The following ZNF618 variants were observed in gnomAD, a reference collection of about 807,000 sequenced individuals.
ZNF618 encodes neural precursor cell expressed, developmentally down-regulated 10.
ZNF618 carries 34 observed loss-of-function variants against 103.0 expected under a neutral mutation model. The observed-to-expected ratio is 0.33, with a 90% CI of 0.25 to 0.44. The LOEUF (loss-of-function observed/expected upper bound fraction) is 0.44. ZNF618 is among the 20% of genes least tolerant of loss of function. The probability of loss-of-function intolerance (pLI) is 1.00; values close to 1 mark genes in which losing one functional copy is unlikely to be tolerated. For synonymous variants in ZNF618, 551 were observed against 542.2 expected (o/e 1.02, Z -0.23); for missense variants, 1,059 against 1,295.4 (o/e 0.82, Z 2.80).
chr9:113,956,082 G>T (rs771530476), intron 1 of ZNF618, among the ~76,000 whole-genome samples: 3 of 151,874 alleles, frequency 2.0e-5, no homozygotes, highest in Non-Finnish European at 4.4e-5. Flanking sequence ...GGTGGCTCAC[G>T]CCTGTAATCC....
chr9:113,917,966 A>G (rs1010012414), intron 1 of ZNF618, among the ~76,000 whole-genome samples: 3 of 152,130 alleles, frequency 2.0e-5, no homozygotes, highest in African/African-American at 7.2e-5. Context: ...CATTTCACCA[A>G]TGGCCCCATT....
chr9:113,917,235 C>CTTTTTT (rs56300784), intron 1 of ZNF618, among the ~76,000 whole-genome samples: 27 of 74,258 alleles, frequency 3.6e-4, no homozygotes, highest in Non-Finnish European at 4.7e-4. Context: ...TCTCTCTATC[C>CTTTTTT]TTTTTTTTTT....
At chr9:113,944,578 A>G (rs1230329670) in intron 1 of ZNF618, among the ~76,000 whole-genome samples, 2 of 152,198 alleles carry the variant, frequency 1.3e-5, no homozygotes, top group Non-Finnish European at 2.9e-5. Context: ...GTGCCTGGCC[A>G]TACTTAAAAT....
At position 114,050,335 on chromosome 9, in the gene ZNF618, T is replaced by G; in HGVS notation, c.*168T>G. On this transcript the variant is annotated 3_prime_UTR_variant, in exon 15 of 15. Coordinates refer to ENST00000374126, the MANE Select transcript of ZNF618 (RefSeq NM_001318042.2). ...TTTTATATGTGTGTGTGTGCGTGTATGTACACAGCCACACGTGTGTGCACG... is the reference window on the plus strand; with the variant it reads ...TTTTATATGTGTGTGTGTGCGTGTAGGTACACAGCCACACGTGTGTGCACG... 1 of 747,344 alleles carries G rather than the reference T, an allele frequency of 1.3e-6. No individual in the cohort carries two copies. The allele number at this position is 747,344 out of a possible 1,614,324, so 46.3% of individuals were successfully genotyped here. A position where few individuals can be genotyped will look rare whatever the true frequency, so the allele number is the denominator to read the frequency against.
At chr9:113,976,059 T>A (rs1838439198) in intron 2 of ZNF618, among the ~76,000 whole-genome samples, 1 of 152,216 alleles carries the variant, frequency 6.6e-6, no homozygotes, top group African/African-American at 2.4e-5. Flanking sequence ...CCATTCAACC[T>A]AGGCTCTGTA....
intron 2 of ZNF618, among the ~76,000 whole-genome samples, chr9:113,986,068 CT>C (rs1387803902): frequency 6.6e-6 from 1 of 152,186 alleles, no homozygotes; most frequent in Non-Finnish European, 1.5e-5. Context: ...GGAGGCGCCC[CT>C]GGGTGCCAAA....
intron 1 of ZNF618, among the ~76,000 whole-genome samples, chr9:113,948,824 C>T (rs992584970): frequency 1.3e-5 from 2 of 152,192 alleles, no homozygotes; most frequent in African/African-American, 4.8e-5. Context: ...CAGTGCCCCC[C>T]ACCCCACAGA....
intron 1 of ZNF618, among the ~76,000 whole-genome samples, chr9:113,896,303 G>T (rs1398784198): frequency 6.6e-6 from 1 of 151,984 alleles, no homozygotes; most frequent in East Asian, 1.9e-4. Context: ...GTTAATCAAT[G>T]AATTTTCCTC....
chr9:113,903,918 G>C (rs1830760518), intron 1 of ZNF618, among the ~76,000 whole-genome samples: 1 of 150,918 alleles, frequency 6.6e-6, no homozygotes, highest in African/African-American at 2.4e-5. Flanking sequence ...TTCTGCTTGG[G>C]ATTTATTGAG....
intron 1 of ZNF618, among the ~76,000 whole-genome samples, chr9:113,901,690 C>T (rs1301154222): frequency 6.6e-6 from 1 of 152,172 alleles, no homozygotes; most frequent in Non-Finnish European, 1.5e-5. Context: ...ATAAACGCCA[C>T]TGCTTCGTGG....
chr9:113,890,220 A>G (rs1320900767), intron 1 of ZNF618, among the ~76,000 whole-genome samples: 1 of 152,238 alleles, frequency 6.6e-6, no homozygotes. Flanking sequence ...GTTCATTACA[A>G]AAACATTCAA....
At chr9:113,930,368 A>G (rs1833463866) in intron 1 of ZNF618, among the ~76,000 whole-genome samples, 1 of 152,200 alleles carries the variant, frequency 6.6e-6, no homozygotes, top group Non-Finnish European at 1.5e-5. Context: ...TCCCAGTTCT[A>G]CTACTTGAAT....
chr9:113,900,607 G>C lies in ZNF618; in HGVS notation c.33+24194G>C, dbSNP rs1311770563. Among the ~76,000 whole-genome samples, 847 of 99,520 alleles carry C rather than the reference G, an allele frequency of 8.5e-3. No homozygotes were observed. In the Middle Eastern group the frequency reaches 0.1, roughly 12 times the overall value. The allele number at this position is 99,520 out of a possible 152,430, so 65.3% of individuals were successfully genotyped here. ...GCACCGTCCTCTCCCGCGAACCCGA[G>C]CTCCCGTCTCCTAGCACCGTCCTCT... On this transcript the variant is annotated intron_variant, in intron 1 of 14. Coordinates refer to ENST00000374126, the MANE Select transcript of ZNF618 (RefSeq NM_001318042.2).
intron 2 of ZNF618, among the ~76,000 whole-genome samples, chr9:113,981,525 G>A (rs1033730813): frequency 1.3e-5 from 2 of 152,196 alleles, no homozygotes; most frequent in African/African-American, 2.4e-5. Context: ...CATTGCTCAC[G>A]TCTACTATGA....
intron 1 of ZNF618, among the ~76,000 whole-genome samples, chr9:113,900,362 G>A (rs78726001): frequency 0.015 from 2,289 of 152,184 alleles, 47 homozygotes; most frequent in African/African-American, 0.053. Context: ...ATGCCTGGCC[G>A]ACAAACTGCC....
intron 1 of ZNF618, among the ~76,000 whole-genome samples, chr9:113,926,849 C>CA (rs1833141122): frequency 6.6e-6 from 1 of 152,148 alleles, no homozygotes; most frequent in Non-Finnish European, 1.5e-5. Context: ...CCTGTCTTTA[C>CA]AAAAAATACA....
chr9:113,959,758 C>T (rs1487747872), intron 1 of ZNF618, among the ~76,000 whole-genome samples: 1 of 152,182 alleles, frequency 6.6e-6, no homozygotes, highest in African/African-American at 2.4e-5. Context: ...CAGGAGTCCA[C>T]CACCATGCCT....
Position 114,050,197 on chromosome 9 carries a change from AAGAG to A in ZNF618, c.*32_*35del. On this transcript the variant is annotated 3_prime_UTR_variant, in exon 15 of 15. Coordinates refer to ENST00000374126, the MANE Select transcript of ZNF618 (RefSeq NM_001318042.2). ...TGACTTCGGGGGAAAAAAAAAGAAA[AAGAG>A]AAGATAACATTAGAAAAAAACCACA... is the stretch of plus-strand genomic sequence containing the variant. 3 of 1,513,932 alleles carry A rather than the reference AAGAG, an allele frequency of 2.0e-6. No individual in the cohort carries two copies. In the South Asian group the frequency reaches 3.9e-5, roughly 20 times the overall value. The allele number at this position is 1,513,932 out of a possible 1,614,324, so 93.8% of individuals were successfully genotyped here. A position where few individuals can be genotyped will look rare whatever the true frequency, so the allele number is the denominator to read the frequency against.
intron 3 of ZNF618, among the ~76,000 whole-genome samples, chr9:113,997,068 T>C (rs7043310): frequency 0.6 from 91,627 of 151,834 alleles, 28,092 homozygotes; most frequent in Middle Eastern, 0.74. Context: ...TTCTTTTTTT[T>C]TTCTTCTTCT....
Sources: allele counts gnomAD v4.1 joint callset (sites outside exome capture counted in the v4.1 genomes callset), GRCh38; gene constraint gnomAD v4.1.1; transcripts MANE v1.5; gene names NCBI Gene and HGNC (gene_info 2026-07-23, HGNC 2026-07-21).